The following POU2F3 variants were observed in gnomAD, a reference collection of about 807,000 sequenced individuals.
POU2F3 encodes POU domain, class 2, transcription factor 3.
A neutral mutation model predicts 59.2 loss-of-function variants in POU2F3; 23 were observed. That is an observed-to-expected ratio of 0.39 (90% CI 0.28 to 0.55). POU2F3 has a LOEUF of 0.55. Among genes scored for constraint, POU2F3 ranks in the 20% least tolerant of loss-of-function variants. The pLI is 0.66. For synonymous variants in POU2F3, 190 were observed against 214.6 expected (o/e 0.89, Z 1.00); for missense variants, 473 against 544.5 (o/e 0.87, Z 1.31).
chr11:120,295,304 T>C (rs1050656487), intron 3 of POU2F3, among the ~76,000 whole-genome samples: 4 of 152,114 alleles, frequency 2.6e-5, no homozygotes, highest in Non-Finnish European at 4.4e-5. Context: ...TTGTGCATAA[T>C]GAGTCTACAG....
chr11:120,272,751 G>A (rs775652026), intron 3 of POU2F3, among the ~76,000 whole-genome samples: 20 of 152,184 alleles, frequency 1.3e-4, no homozygotes, highest in Non-Finnish European at 2.8e-4. Context: ...GGAAGGTCAA[G>A]GGACCCAGAA....
At chr11:120,271,082 C>T (rs1376512147) in intron 3 of POU2F3, among the ~76,000 whole-genome samples, 1 of 152,170 alleles carries the variant, frequency 6.6e-6, no homozygotes, top group Non-Finnish European at 1.5e-5. Flanking sequence ...AGTCCTAAGC[C>T]AACACCTTTT....
intron 3 of POU2F3, among the ~76,000 whole-genome samples, chr11:120,290,382 A>C (rs1591422740): frequency 6.6e-6 from 1 of 152,202 alleles, no homozygotes; most frequent in East Asian, 1.9e-4. Context: ...TGTTTACCCC[A>C]ACTGTGCACC....
chr11:120,278,658 G>A (rs1304565844), intron 3 of POU2F3, among the ~76,000 whole-genome samples: 1 of 152,196 alleles, frequency 6.6e-6, no homozygotes, highest in East Asian at 1.9e-4. Context: ...CCCCCACAGG[G>A]AATGAGCTGC....
At chr11:120,271,065 A>T (rs1020949664) in intron 3 of POU2F3, among the ~76,000 whole-genome samples, 1 of 152,218 alleles carries the variant, frequency 6.6e-6, no homozygotes, top group African/African-American at 2.4e-5. Context: ...AGAGAAGAAT[A>T]ATGTTGAGTC....
chr11:120,286,403 C>A (rs558404747), intron 3 of POU2F3, among the ~76,000 whole-genome samples: 1 of 152,192 alleles, frequency 6.6e-6, no homozygotes, highest in African/African-American at 2.4e-5. Flanking sequence ...GAGATCCAGG[C>A]GGGCCAGAGC....
chr11:120,264,778 C>T (rs1407750418), intron 2 of POU2F3, among the ~76,000 whole-genome samples: 1 of 152,236 alleles, frequency 6.6e-6, no homozygotes, highest in Non-Finnish European at 1.5e-5. Context: ...GCTCGAACCT[C>T]AGTCCTCTGA....
chr11:120,297,260 G>A (rs1941217384), intron 3 of POU2F3, among the ~76,000 whole-genome samples: 1 of 152,226 alleles, frequency 6.6e-6, no homozygotes, highest in Non-Finnish European at 1.5e-5. Context: ...GGGATGAGGG[G>A]TAGGCACAAG....
Position 120,264,428 on chromosome 11 carries a change from T to G in POU2F3, c.98-4782T>G, listed in dbSNP as rs143595164. On this transcript the variant is annotated intron_variant, in intron 2 of 12. Transcript: ENST00000543440. ...GAAACACAGAGGAGGAAATCCTTTG[T>G]TTTGCTTTGGATAAGCTTCTTGGAG... Among the ~76,000 whole-genome samples, 457 of 152,294 alleles carry G rather than the reference T, an allele frequency of 3.0e-3. 2 individuals carry two copies. Among genetic ancestry groups the G allele is most frequent in the Non-Finnish European group, 5.0e-3 (341 of 68,034 alleles).
intron 9 of POU2F3, among the ~76,000 whole-genome samples, chr11:120,308,221 C>T (rs1296599816): frequency 1.3e-5 from 2 of 152,258 alleles, no homozygotes; most frequent in South Asian, 4.1e-4. Flanking sequence ...AAGCTGTGAG[C>T]CCCGTGTGGG....
chr11:120,291,230 C>CA (rs1158650711), intron 3 of POU2F3, among the ~76,000 whole-genome samples: 1 of 152,164 alleles, frequency 6.6e-6, no homozygotes, highest in East Asian at 1.9e-4. Context: ...TGAGTTATTA[C>CA]AATAGCCAGA....
intron 3 of POU2F3, among the ~76,000 whole-genome samples, chr11:120,292,744 C>T (rs893495982): frequency 5.9e-5 from 9 of 152,170 alleles, no homozygotes; most frequent in African/African-American, 1.9e-4. Flanking sequence ...AGGAGGGCTC[C>T]GCAGCAGTGC....
intron 9 of POU2F3, 81 bp downstream of exon 9, chr11:120,307,696 C>T (rs1941537221): frequency 1.3e-6 from 2 of 1,555,294 alleles, no homozygotes; most frequent in Non-Finnish European, 1.8e-6. Context: ...CCCCTTGGCA[C>T]CAGCCCCTCC....
chr11:120,249,485 C>T (rs1466611792), intron 2 of POU2F3, among the ~76,000 whole-genome samples: 1 of 152,202 alleles, frequency 6.6e-6, no homozygotes. Flanking sequence ...GCTGGGACTA[C>T]AGGCATGAGC....
At chr11:120,302,469 C>G in intron 6 of POU2F3, 101 bp downstream of exon 6, 1 of 1,118,426 alleles carries the variant, frequency 8.9e-7, no homozygotes, top group Non-Finnish European at 1.3e-6. Context: ...GCACTAACCC[C>G]TCTGGGGAGA....
At chr11:120,254,068 G>A (rs1267169447) in intron 2 of POU2F3, 1 of 152,226 alleles carries the variant, frequency 6.6e-6, no homozygotes, top group Non-Finnish European at 1.5e-5. Flanking sequence ...ACCCAAAATT[G>A]CAGACTCCCC....
chr11:120,310,119 G>A (rs1468913718), intron 10 of POU2F3, among the ~76,000 whole-genome samples: 2 of 152,232 alleles, frequency 1.3e-5, no homozygotes, highest in East Asian at 1.9e-4. Context: ...GCTGCTATGT[G>A]GGGAATAATC....
At chr11:120,268,900 A>G (rs530891163) in intron 2 of POU2F3, among the ~76,000 whole-genome samples, 25 of 152,150 alleles carry the variant, frequency 1.6e-4, no homozygotes, top group Admixed American at 3.9e-4. Flanking sequence ...GCATAGAAGC[A>G]TGCGGTGGAG....
At chr11:120,262,574 C>A (rs774792973) in intron 2 of POU2F3, among the ~76,000 whole-genome samples, 11 of 152,334 alleles carry the variant, frequency 7.2e-5, no homozygotes, top group South Asian at 2.1e-4. Context: ...CAAAACAAAA[C>A]GAATCCCTCA....
Sources: allele counts gnomAD v4.1 joint callset (sites outside exome capture counted in the v4.1 genomes callset), GRCh38; gene constraint gnomAD v4.1.1; transcripts MANE v1.5; gene names NCBI Gene and HGNC (gene_info 2026-07-23, HGNC 2026-07-21).